Variants in CLDN14 observed in about 807,000 individuals in gnomAD.
CLDN14 encodes claudin 14.
CLDN14 carries 2 observed loss-of-function variants against 2.1 expected under a neutral mutation model. That is an observed-to-expected ratio of 0.96 (90% confidence interval 0.39 to 3.01). The LOEUF (loss-of-function observed/expected upper bound fraction) is 3.01. CLDN14 is among the 30% of genes most tolerant of loss of function. The pLI is 0.09. For synonymous variants in CLDN14, 136 were observed against 154.4 expected (o/e 0.88, Z 0.88); for missense variants, 298 against 328.0 (o/e 0.91, Z 0.71).
chr21:36,468,917 G>A (rs983152870), intron 1 of CLDN14, among the ~76,000 whole-genome samples: 6 of 151,812 alleles, frequency 4.0e-5, no homozygotes, highest in Non-Finnish European at 8.8e-5. Flanking sequence ...CCACTACCAC[G>A]TCTGGCTAAT....
Position 36,498,452 on chromosome 21 carries a change from C to T in CLDN14, c.-82+11911G>A, listed in dbSNP as rs2087060205. Among the ~76,000 whole-genome samples, 1 of 152,144 alleles carries T rather than the reference C, an allele frequency of 6.6e-6. No individual in the cohort carries two copies. The highest frequency in any genetic ancestry group is 1.5e-5 in the Non-Finnish European group (1 of 68,024). ...TTGTCTGGATTTAGCTGTGAAAGAC[C>T]AGTAGACCAACTGGTGGGAAAAATA... On this transcript the variant is annotated intron_variant, in intron 2 of 2. Transcript: ENST00000342108. This position sits in a 1 kb window ranked among gnomAD's most constrained non-coding sequence, Gnocchi z 4.9.
chr21:36,464,372 C>T (rs2086619194), intron 1 of CLDN14, among the ~76,000 whole-genome samples: 1 of 152,188 alleles, frequency 6.6e-6, no homozygotes, highest in African/African-American at 2.4e-5. Context: ...GACTGATACA[C>T]CGAGTATTTT....
intron 1 of CLDN14, among the ~76,000 whole-genome samples, chr21:36,519,681 G>T (rs143313546): frequency 1.2e-3 from 182 of 152,168 alleles, no homozygotes; most frequent in African/African-American, 4.3e-3. Flanking sequence ...CTGCACTCCG[G>T]CCTGGGCAAC....
chr21:36,466,237 CTT>C (rs1323709327), intron 1 of CLDN14: 1 of 152,284 alleles, frequency 6.6e-6, no homozygotes, highest in African/African-American at 2.4e-5. Flanking sequence ...AATGAAATCA[CTT>C]TGGCACAATA....
At chr21:36,522,532 G>A (rs1484941101) in intron 1 of CLDN14, among the ~76,000 whole-genome samples, 1 of 152,134 alleles carries the variant, frequency 6.6e-6, no homozygotes, top group African/African-American at 2.4e-5. Flanking sequence ...AGCCGCCCTC[G>A]TTTTCATGAA....
At chr21:36,482,408 A>ATAGATG (rs1568851811), upstream of CLDN14, among the ~76,000 whole-genome samples, 2 of 97,756 alleles carry the variant, frequency 2.0e-5, no homozygotes, top group African/African-American at 9.5e-5. Flanking sequence ...ATGGATGGAT[A>ATAGATG]GACGGATGGA....
intron 1 of CLDN14, among the ~76,000 whole-genome samples, chr21:36,478,826 G>A (rs1305094206): frequency 6.6e-6 from 1 of 152,316 alleles, no homozygotes; most frequent in African/African-American, 2.4e-5. Context: ...TTTTGCCTGG[G>A]TCCCTCCTGC....
intron 1 of CLDN14, among the ~76,000 whole-genome samples, chr21:36,563,906 G>A (rs1456596223): frequency 1.3e-5 from 2 of 152,144 alleles, no homozygotes; most frequent in Non-Finnish European, 2.9e-5. Flanking sequence ...TTTGAATTAT[G>A]TTATCAAAAA....
At chr21:36,486,570 T>G in intron 2 of CLDN14, 1 of 1,556,610 alleles carries the variant, frequency 6.4e-7, no homozygotes, top group Non-Finnish European at 8.9e-7. Context: ...TCAGCCAAGC[T>G]GGGCCCAGGA....
At chr21:36,507,639 G>A (rs772963388) in intron 2 of CLDN14, among the ~76,000 whole-genome samples, 1 of 152,102 alleles carries the variant, frequency 6.6e-6, no homozygotes, top group Non-Finnish European at 1.5e-5. Flanking sequence ...TGGCACGCAC[G>A]TGTAATCCCA....
At chr21:36,528,649 C>T (rs554473372) in intron 1 of CLDN14, among the ~76,000 whole-genome samples, 9 of 152,326 alleles carry the variant, frequency 5.9e-5, no homozygotes, top group South Asian at 2.1e-4. Context: ...CCTGAGTCTT[C>T]GGTCCATGCA....
At chr21:36,556,516 T>C (rs2146521116) in intron 1 of CLDN14, among the ~76,000 whole-genome samples, 1 of 152,296 alleles carries the variant, frequency 6.6e-6, no homozygotes, top group Non-Finnish European at 1.5e-5. Flanking sequence ...CTGCCTTGTG[T>C]ATGAGTTTTG....
At chr21:36,553,376 G>T (rs2146518750) in intron 1 of CLDN14, among the ~76,000 whole-genome samples, 1 of 152,286 alleles carries the variant, frequency 6.6e-6, no homozygotes, top group East Asian at 1.9e-4. Flanking sequence ...AGGCAGTGAT[G>T]CCCACCTGAG....
At chr21:36,532,134 C>T (rs2087385024) in intron 1 of CLDN14, 1 of 152,204 alleles carries the variant, frequency 6.6e-6, no homozygotes, top group Non-Finnish European at 1.5e-5. Flanking sequence ...TGACAAACAA[C>T]ACCCGAGTGT....
At chr21:36,467,798 G>T (rs1335048965) in intron 1 of CLDN14, among the ~76,000 whole-genome samples, 1 of 152,158 alleles carries the variant, frequency 6.6e-6, no homozygotes, top group Admixed American at 6.5e-5. Context: ...GCTTTCCTAT[G>T]GACACACATT....
At chr21:36,564,824 A>G (rs1817271322) in intron 1 of CLDN14, among the ~76,000 whole-genome samples, 2 of 152,210 alleles carry the variant, frequency 1.3e-5, no homozygotes, top group Admixed American at 1.3e-4. Flanking sequence ...AGAAAGTCAG[A>G]GCCAGTGTGA....
intron 1 of CLDN14, among the ~76,000 whole-genome samples, chr21:36,525,917 G>C (rs1397970115): frequency 6.6e-6 from 1 of 152,122 alleles, no homozygotes; most frequent in Non-Finnish European, 1.5e-5. Flanking sequence ...TGGAACGTAT[G>C]GTCCCTGCCC....
chr21:36,517,950 G>T (rs2087240621), intron 1 of CLDN14, among the ~76,000 whole-genome samples: 1 of 152,156 alleles, frequency 6.6e-6, no homozygotes, highest in Non-Finnish European at 1.5e-5. Context: ...GATGGCCTTT[G>T]GGCGTCAATT....
At chr21:36,568,362 T>C (rs929867186) in intron 1 of CLDN14, among the ~76,000 whole-genome samples, 5 of 152,178 alleles carry the variant, frequency 3.3e-5, no homozygotes, top group African/African-American at 1.2e-4. Flanking sequence ...GATTTCAGCA[T>C]TGCCCCAGCC....
Sources: gnomAD v4.1 joint callset for allele counts (sites outside exome capture counted in the v4.1 genomes callset) on GRCh38, gnomAD v4.1.1 for gene constraint, Gnocchi (gnomAD v3.1) non-coding constraint, MANE v1.5 for transcripts, NCBI Gene and HGNC (gene_info 2026-07-23, HGNC 2026-07-21) for gene names.